CBLB: variants seen among roughly 807,000 people sequenced by gnomAD.
The protein encoded by CBLB is Cbl proto-oncogene B.
Under a neutral mutation model 104.9 loss-of-function variants are expected in CBLB, and 31 were observed. The observed-to-expected ratio is 0.30, with a 90% confidence interval of 0.22 to 0.40. The LOEUF (loss-of-function observed/expected upper bound fraction) is 0.40, where lower values mean the gene tolerates loss of function less well. Among genes scored for constraint, CBLB ranks in the 10% least tolerant of loss-of-function variants. CBLB has a pLI of 1.00. For missense variants in CBLB, 1,062 were observed against 1,214.6 expected (o/e 0.87, Z 1.87); for synonymous variants, 440 against 422.6 (o/e 1.04, Z -0.51).
At chr3:105,794,744 AAC>A (rs1036756391) in intron 3 of CBLB, among the ~76,000 whole-genome samples, 1 of 152,192 alleles carries the variant, frequency 6.6e-6, no homozygotes, top group Admixed American at 6.5e-5. Flanking sequence ...AAATGTTAAT[AAC>A]AGATACCACA....
chr3:105,712,581 T>C (rs552507932), intron 10 of CBLB, among the ~76,000 whole-genome samples: 1 of 152,324 alleles, frequency 6.6e-6, no homozygotes, highest in South Asian at 2.1e-4. Flanking sequence ...TTGGTTACTG[T>C]AGTTCTTCAC....
intron 8 of CBLB, among the ~76,000 whole-genome samples, chr3:105,736,682 A>C (rs527903708): frequency 3.9e-5 from 6 of 152,158 alleles, no homozygotes; most frequent in Non-Finnish European, 8.8e-5. Flanking sequence ...TTAAAGTGAA[A>C]AGATATTTTC....
At chr3:105,786,067 G>GGGT (rs1553794770) in intron 3 of CBLB, among the ~76,000 whole-genome samples, 1 of 102,780 alleles carries the variant, frequency 9.7e-6, no homozygotes, top group Non-Finnish European at 2.0e-5. Context: ...GGATCGGGGG[G>GGGT]GGGAAAGTGG....
chr3:105,817,937 T>C (rs987782178), intron 3 of CBLB, among the ~76,000 whole-genome samples: 1 of 152,188 alleles, frequency 6.6e-6, no homozygotes, highest in African/African-American at 2.4e-5. Flanking sequence ...TTTTAAATCA[T>C]GATGATGAAA....
intron 17 of CBLB, among the ~76,000 whole-genome samples, chr3:105,675,255 G>A (rs1444314641): frequency 6.6e-6 from 1 of 152,114 alleles, no homozygotes; most frequent in African/African-American, 2.4e-5. Context: ...GAAAACAACG[G>A]TAAAATGCTC....
intron 4 of CBLB, among the ~76,000 whole-genome samples, chr3:105,758,734 G>A (rs773290730): frequency 5.3e-5 from 8 of 152,240 alleles, no homozygotes; most frequent in Non-Finnish European, 1.2e-4. Context: ...CCGGCTCTGG[G>A]CAAGCCAGTG....
chr3:105,807,212 T>C (rs116379004), intron 3 of CBLB, among the ~76,000 whole-genome samples: 1,965 of 152,312 alleles, frequency 0.013, 43 homozygotes, highest in African/African-American at 0.045. Flanking sequence ...AGATTAAATT[T>C]TTGAGAAAGA....
Position 105,734,063 on chromosome 3 carries a change from G to A in CBLB, c.1149C>T (p.Val383=), listed in dbSNP as rs146560530. ...CKICAENDKD[V]KIEPCGHLMC... ...TCAAATGCCCACAAGGCTCAATCTT[G>A]ACATCTTTGTCATTCTCTGCACAAA... The change falls in exon 9 of 19, where the codon GTC becomes GTT. Residue 383 remains valine, a synonymous_variant. Coordinates refer to ENST00000394030, the MANE Select transcript of CBLB (RefSeq NM_170662.5). The A allele has an allele frequency of 3.7e-6, 6 of 1,613,802 alleles. No homozygotes were observed. In the South Asian group the frequency reaches 5.5e-5, roughly 15 times the overall value.
Position 105,702,362 on chromosome 3 carries a change from G to A in CBLB, c.1691C>T (p.Pro564Leu), listed in dbSNP as rs2069275036. ...ACTCAGTCTATTGTCTGGTGGGATT[G>A]GTGGAGGTCTTTCAGGTGGCGGTGG... ...PPPPPPERPPPIPPDNRLSRH... is the reference protein window; with the variant it reads ...PPPPPPERPPLIPPDNRLSRH... Residue 564 changes from proline to leucine, a missense_variant, in exon 12 of 19, where the codon CCA becomes CTA. Around this residue, in one of 2 missense-constraint regions of CBLB, gnomAD observed 605 missense variants for 582.6 expected, o/e 1.04. Transcript: ENST00000394030. 1 of 1,613,146 alleles carries A rather than the reference G, an allele frequency of 6.2e-7. No individual in the cohort carries two copies. The highest frequency in any genetic ancestry group is 1.3e-5 in the African/African-American group (1 of 74,716).
At chr3:105,862,533 G>A (rs1233135848) in intron 2 of CBLB, among the ~76,000 whole-genome samples, 2 of 151,982 alleles carry the variant, frequency 1.3e-5, no homozygotes, top group Admixed American at 6.6e-5. Context: ...CAAGTATCTA[G>A]GCCAGCATTT....
intron 4 of CBLB, among the ~76,000 whole-genome samples, chr3:105,765,663 C>T (rs72995651): frequency 0.018 from 2,666 of 152,236 alleles, 71 homozygotes; most frequent in African/African-American, 0.06. Context: ...TCTTCCTGTG[C>T]TCTACAAATG....
chr3:105,677,838 A>C (rs142711253), intron 17 of CBLB, among the ~76,000 whole-genome samples: 1 of 149,622 alleles, frequency 6.7e-6, no homozygotes, highest in Admixed American at 6.7e-5. Flanking sequence ...GTAAATAATA[A>C]TATTAAATAG....
chr3:105,869,199 C>A, upstream of CBLB: 1 of 629,476 alleles, frequency 1.6e-6, no homozygotes, highest in Non-Finnish European at 2.7e-6. Context: ...ACACAATGGC[C>A]CCAGAGGAAG....
chr3:105,662,806 G>A (rs1300308236), intron 18 of CBLB, among the ~76,000 whole-genome samples: 1 of 152,166 alleles, frequency 6.6e-6, no homozygotes, highest in Non-Finnish European at 1.5e-5. Flanking sequence ...CCTGGTTTAG[G>A]AGTAAATTTT....
At chr3:105,759,379 G>A (rs2077391710) in intron 4 of CBLB, among the ~76,000 whole-genome samples, 1 of 152,184 alleles carries the variant, frequency 6.6e-6, no homozygotes, top group African/African-American at 2.4e-5. Flanking sequence ...TGAGGCTGTA[G>A]GCTGTCCCTG....
intron 3 of CBLB, among the ~76,000 whole-genome samples, chr3:105,781,028 G>C (rs1165544277): frequency 6.6e-6 from 1 of 152,048 alleles, no homozygotes; most frequent in Non-Finnish European, 1.5e-5. Flanking sequence ...TGTCAACACT[G>C]GCCAAACTGC....
At chr3:105,737,143 A>G in intron 8 of CBLB, 28 bp downstream of exon 8, 2 of 1,197,990 alleles carry the variant, frequency 1.7e-6, no homozygotes, top group Non-Finnish European at 2.5e-6. Flanking sequence ...TACTTATTTA[A>G]TTATACTTTT....
In CBLB at chr3:105,655,754, A is replaced by C. The variant is rs2063298860; in HGVS notation, c.*3216T>G. On this transcript the variant is annotated 3_prime_UTR_variant, in exon 19 of 19. Transcript: ENST00000394030. Reference sequence around the variant, plus strand: ...TTCAAGTATACTGTAATTTGCTTCCAAATCTGTTAGCTGAAGAGAGAAACT... The same window carrying C: ...TTCAAGTATACTGTAATTTGCTTCCCAATCTGTTAGCTGAAGAGAGAAACT... 1 of 208,098 alleles carries C rather than the reference A, an allele frequency of 4.8e-6. No homozygotes were observed. The allele number at this position is 208,098 out of a possible 1,614,324, so 12.9% of individuals were successfully genotyped here.
At chr3:105,815,352 C>CA (rs971294255) in intron 3 of CBLB, among the ~76,000 whole-genome samples, 9 of 151,958 alleles carry the variant, frequency 5.9e-5, no homozygotes, top group African/African-American at 1.9e-4. Context: ...GGATGATTAG[C>CA]AAAAAACACA....
Sources: gnomAD v4.1 joint callset for allele counts (sites outside exome capture counted in the v4.1 genomes callset) on GRCh38, gnomAD v4.1.1 for gene constraint, gnomAD v4.1.1 regional missense constraint, MANE v1.5 for transcripts, NCBI Gene and HGNC (gene_info 2026-07-23, HGNC 2026-07-21) for gene names.